OCA2: variants seen among roughly 807,000 people sequenced by gnomAD.
OCA2 encodes the protein OCA2 melanosomal transmembrane protein.
A neutral mutation model predicts 100.2 loss-of-function variants in OCA2; 77 were observed. The observed-to-expected ratio is 0.77, with a 90% CI of 0.64 to 0.93. The LOEUF (loss-of-function observed/expected upper bound fraction) is 0.93, where lower values mean the gene tolerates loss of function less well. Among genes scored for constraint, OCA2 ranks in the 40% least tolerant of loss-of-function variants. OCA2 has a pLI of 0.00. For missense variants in OCA2, 1,062 were observed against 1,089.1 expected (o/e 0.98, Z 0.35); for synonymous variants, 432 against 439.2 (o/e 0.98, Z 0.21).
chr15:27,770,675 C>T (rs972668509), intron 23 of OCA2, among the ~76,000 whole-genome samples: 9 of 149,494 alleles, frequency 6.0e-5, no homozygotes, highest in Admixed American at 2.6e-4. Context: ...AGATGGACAG[C>T]GGTGGCTTCG....
intron 21 of OCA2, among the ~76,000 whole-genome samples, chr15:27,853,668 G>A (rs2035847112): frequency 6.6e-6 from 1 of 151,882 alleles, no homozygotes; most frequent in Non-Finnish European, 1.5e-5. Flanking sequence ...CACAGCCATT[G>A]AGCCTGCCTC....
Position 27,755,424 on chromosome 15 carries a change from A to C in OCA2, c.2481T>G (p.Tyr827Ter). The change falls in exon 24 of 24, where the codon TAT becomes TAG. Residue 827 changes from tyrosine to a stop codon, truncating the protein, a stop_gained. Coordinates refer to ENST00000354638, the MANE Select transcript of OCA2 (RefSeq NM_000275.3). LOFTEE classifies it high-confidence loss of function. ...MVVSCTVGMC[Y>*]LLVAHVVVGW... ...CCACCACCACATGAGCCACAAGGAGATAACACATCCCAACAGTGCAGGACA... is the reference window on the plus strand; with the variant it reads ...CCACCACCACATGAGCCACAAGGAGCTAACACATCCCAACAGTGCAGGACA... 1.2e-6 allele frequency: 2 copies of C among 1,614,000 alleles called. No homozygotes were observed. The highest frequency in any genetic ancestry group is 1.7e-6 in the Non-Finnish European group (2 of 1,179,868).
intron 2 of OCA2, among the ~76,000 whole-genome samples, chr15:28,044,899 T>C (rs2043304285): frequency 6.6e-6 from 1 of 152,210 alleles, no homozygotes. Context: ...CCTATCTCCA[T>C]ATGTTATTTT....
intron 19 of OCA2, chr15:27,895,788 A>G (rs2037662946): frequency 2.5e-6 from 1 of 405,756 alleles, no homozygotes; most frequent in Non-Finnish European, 4.6e-6. Flanking sequence ...GGTGAAACTG[A>G]GTATTATGCT....
chr15:28,032,150 A>T lies in OCA2; in HGVS notation c.241T>A (p.Leu81Met). 6.2e-7 allele frequency: 1 copy of T among 1,613,380 alleles called. No individual in the cohort carries two copies. Among genetic ancestry groups the T allele is most frequent in the South Asian group, 1.1e-5 (1 of 91,048 alleles). The change falls in exon 3 of 24, where the codon TTG (leucine) becomes ATG (methionine). Residue 81 changes from leucine to methionine, a missense_variant. Leu to Met is a conservative substitution (Grantham distance 15). Transcript: ENST00000354638. The part of the protein sequence containing the change: ...FLTKGRSHSS[L>M]PQMSSSRSKD... ...GACCTGGAGCTGGACATCTGGGGCA[A>T]AGAAGAGTGAGACCTGAAAGAGACA...
At chr15:27,985,476 C>T (rs1567194302) in intron 12 of OCA2, among the ~76,000 whole-genome samples, 1 of 152,232 alleles carries the variant, frequency 6.6e-6, no homozygotes, top group East Asian at 1.9e-4. Flanking sequence ...CCTCAGTCCC[C>T]GTAATGCCAT....
intron 2 of OCA2, among the ~76,000 whole-genome samples, chr15:28,074,622 C>T (rs1231306041): frequency 6.1e-5 from 9 of 147,320 alleles, no homozygotes; most frequent in Admixed American, 2.1e-4. Context: ...TGCAGTGAGC[C>T]GAGATCACGC....
Position 27,778,459 on chromosome 15 carries a change from A to G in OCA2, c.2433-22987T>C, listed in dbSNP as rs73372204. Among the ~76,000 whole-genome samples, 460 of 152,348 alleles carry G rather than the reference A, an allele frequency of 3.0e-3. 3 individuals are homozygous for G. Among genetic ancestry groups the G allele is most frequent in the African/African-American group, 0.011 (438 of 41,582 alleles). On this transcript the variant is annotated intron_variant, in intron 23 of 23. Transcript: ENST00000354638. ...AGGTTTGGGGCTGATTTGATATTCA[A>G]TCAGTTACCCTGGGCCCCTTTCCTT...
chr15:27,949,398 C>G (rs933783598), intron 18 of OCA2, among the ~76,000 whole-genome samples: 12 of 152,202 alleles, frequency 7.9e-5, no homozygotes, highest in African/African-American at 1.9e-4. Context: ...CATAGTAGCT[C>G]GTGCCTGTAA....
chr15:27,956,167 C>T (rs879473348), intron 16 of OCA2, among the ~76,000 whole-genome samples: 6 of 151,936 alleles, frequency 3.9e-5, no homozygotes, highest in African/African-American at 4.8e-5. Context: ...CTGACCAACA[C>T]GGAGAAACCC....
At chr15:27,939,642 T>A (rs546827115) in intron 18 of OCA2, among the ~76,000 whole-genome samples, 1 of 152,364 alleles carries the variant, frequency 6.6e-6, no homozygotes, top group South Asian at 2.1e-4. Context: ...CTTGTGCATT[T>A]GGGCTTTGTT....
chr15:27,721,552 G>T, the OCA2 span, among the ~76,000 whole-genome samples: 1 of 152,198 alleles, frequency 6.6e-6, no homozygotes, highest in Non-Finnish European at 1.5e-5. Flanking sequence ...TGTAATGAAA[G>T]TTAAATACTA....
At chr15:27,980,213 C>T (rs973204166) in intron 14 of OCA2, among the ~76,000 whole-genome samples, 5 of 151,948 alleles carry the variant, frequency 3.3e-5, no homozygotes, top group Non-Finnish European at 5.9e-5. Flanking sequence ...CTGCAAGCTC[C>T]GCCTCATGGG....
In OCA2 at chr15:27,910,398, T is replaced by C. The variant is rs139859361; in HGVS notation, c.2079+15729A>G. ...AAAATATTCACCGTAGTGTTGTTTG[T>C]AATCACAAAAGACTGGAGACAACCT... On this transcript the variant is annotated intron_variant, in intron 19 of 23. Coordinates refer to ENST00000354638, the MANE Select transcript of OCA2 (RefSeq NM_000275.3). Among the ~76,000 whole-genome samples, 330 of 152,296 alleles carry C rather than the reference T, an allele frequency of 2.2e-3. 1 individual carries two copies. Among genetic ancestry groups the C allele is most frequent in the African/African-American group, 7.4e-3 (308 of 41,546 alleles).
chr15:27,870,840 AAGAG>A (rs970766943), intron 21 of OCA2, among the ~76,000 whole-genome samples: 3 of 152,082 alleles, frequency 2.0e-5, no homozygotes, highest in East Asian at 1.9e-4. Context: ...AAGAGAAAGA[AAGAG>A]AGAAAGCAAG....
intron 21 of OCA2, among the ~76,000 whole-genome samples, chr15:27,866,343 G>C (rs1458475162): frequency 1.3e-5 from 2 of 152,194 alleles, no homozygotes; most frequent in Non-Finnish European, 2.9e-5. Context: ...GGTGTGTCTC[G>C]AGTGGCAGGT....
chr15:27,787,780 G>C (rs193226893), intron 23 of OCA2, among the ~76,000 whole-genome samples: 12 of 151,412 alleles, frequency 7.9e-5, no homozygotes, highest in Non-Finnish European at 1.8e-4. Context: ...CTTTAATTTA[G>C]TTTGCTCTTC....
intron 13 of OCA2, among the ~76,000 whole-genome samples, chr15:27,983,838 G>A (rs999445836): frequency 4.6e-5 from 7 of 151,948 alleles, no homozygotes; most frequent in African/African-American, 1.7e-4. Context: ...GAGGCAGTGC[G>A]GATGGCTCAC....
intron 6 of OCA2, among the ~76,000 whole-genome samples, chr15:28,019,932 G>A (rs778779173): frequency 6.6e-6 from 1 of 152,180 alleles, no homozygotes. Context: ...TAATCCCTGG[G>A]AACACTGCCC....
Sources: allele counts gnomAD v4.1 joint callset (sites outside exome capture counted in the v4.1 genomes callset), GRCh38; gene constraint gnomAD v4.1.1; transcripts MANE v1.5; gene names NCBI Gene and HGNC (gene_info 2026-07-23, HGNC 2026-07-21).